BCL2L13: variants seen among roughly 807,000 people sequenced by gnomAD.
BCL2L13 encodes the protein bcl-2-like protein 13.
A neutral mutation model predicts 25.8 loss-of-function variants in BCL2L13; 13 were observed. That is an observed-to-expected ratio of 0.50 (90% CI 0.33 to 0.80). The LOEUF (loss-of-function observed/expected upper bound fraction) is 0.80. Among genes scored for constraint, BCL2L13 ranks in the 30% least tolerant of loss-of-function variants. The probability of loss-of-function intolerance (pLI) is 0.02; values close to 1 mark genes in which losing one functional copy is unlikely to be tolerated. For synonymous variants in BCL2L13, 244 were observed against 230.3 expected, an observed-to-expected ratio of 1.06 and a Z score of -0.54; for missense variants, 504 against 574.9, an observed-to-expected ratio of 0.88 and a Z score of 1.26.
chr22:17,634,921 C>T (rs1039168214), upstream of BCL2L13, among the ~76,000 whole-genome samples: 3 of 149,978 alleles, frequency 2.0e-5, no homozygotes, highest in African/African-American at 7.4e-5. Flanking sequence ...GTACTCTAGC[C>T]TGGGTAACAG....
chr22:17,687,566 GA>G (rs2059980425), intron 3 of BCL2L13, among the ~76,000 whole-genome samples: 1 of 151,952 alleles, frequency 6.6e-6, no homozygotes, highest in Non-Finnish European at 1.5e-5. Flanking sequence ...ACCCAGGCTG[GA>G]GTGCAGTGTC....
chr22:17,699,596 T>C (rs1222652803), intron 5 of BCL2L13, among the ~76,000 whole-genome samples: 1 of 152,118 alleles, frequency 6.6e-6, no homozygotes, highest in Non-Finnish European at 1.5e-5. Flanking sequence ...ATATATGATG[T>C]GGGGATTACT....
At chr22:17,631,966 C>T (rs919751712) in intron 1 of BCL2L13, among the ~76,000 whole-genome samples, 1 of 151,296 alleles carries the variant, frequency 6.6e-6, no homozygotes, top group Non-Finnish European at 1.5e-5. Flanking sequence ...GTGATCTGCC[C>T]GCCTTGGCAT....
chr22:17,662,735 C>T (rs2059114661), intron 2 of BCL2L13, among the ~76,000 whole-genome samples: 1 of 152,074 alleles, frequency 6.6e-6, no homozygotes, highest in South Asian at 2.1e-4. Flanking sequence ...GGAAGGATTA[C>T]TTGAGCCCAG....
At chr22:17,715,152 ATATATATATATATATATATTTTTTTTTT>A (rs1398548639) in intron 6 of BCL2L13, among the ~76,000 whole-genome samples, 15 of 5,860 alleles carry the variant, frequency 2.6e-3, no homozygotes, top group South Asian at 7.8e-3. Flanking sequence ...ATATATATAT[ATATATATATATATATATATTTTTTTTTT>A]TTTTTTTTTT....
intron 1 of BCL2L13, among the ~76,000 whole-genome samples, chr22:17,649,231 G>A (rs138459116): frequency 0.011 from 1,748 of 152,070 alleles, 8 homozygotes; most frequent in Non-Finnish European, 0.017. Context: ...CGGAGTGGCT[G>A]GTATTATAGG....
At chr22:17,700,922 G>GC (rs2060414220) in intron 5 of BCL2L13, among the ~76,000 whole-genome samples, 1 of 152,130 alleles carries the variant, frequency 6.6e-6, no homozygotes, top group Non-Finnish European at 1.5e-5. Context: ...TTGTCCTCCT[G>GC]CAGAAGTATT....
intron 2 of BCL2L13, among the ~76,000 whole-genome samples, chr22:17,663,845 C>T (rs1036898651): frequency 2.1e-5 from 3 of 145,878 alleles, no homozygotes; most frequent in African/African-American, 7.5e-5. Flanking sequence ...TGCCACCACG[C>T]CTGGCTAATT....
intron 6 of BCL2L13, among the ~76,000 whole-genome samples, chr22:17,724,327 A>C (rs1276686379): frequency 4.6e-5 from 7 of 152,218 alleles, no homozygotes; most frequent in Non-Finnish European, 1.0e-4. Context: ...TTTATTTGTG[A>C]AGAAATTGAA....
chr22:17,662,260 C>T (rs1190370828), intron 2 of BCL2L13, among the ~76,000 whole-genome samples: 11 of 152,208 alleles, frequency 7.2e-5, no homozygotes, highest in East Asian at 3.9e-4. Flanking sequence ...GGGCGGATCA[C>T]GAGGTCAGGA....
chr22:17,642,960 G>GTATA (rs1412985007), intron 1 of BCL2L13, among the ~76,000 whole-genome samples: 2 of 152,002 alleles, frequency 1.3e-5, no homozygotes, highest in Non-Finnish European at 2.9e-5. Flanking sequence ...TTTTTCTCTG[G>GTATA]TATATATCTG....
Position 17,710,704 on chromosome 22 carries a change from G to A in BCL2L13, c.600+8318G>A, listed in dbSNP as rs193085140. 4.3e-3 allele frequency among the ~76,000 whole-genome samples: 656 copies of A among 151,870 alleles called. 7 individuals are homozygous for A. Among genetic ancestry groups the A allele is most frequent in the African/African-American group, 0.015 (615 of 41,426 alleles). ...ATCCTGGCTAACACGGTGAAACCCC[G>A]TCTCTACTAAAAATACAAAAAAATT... On this transcript the variant is annotated intron_variant, in intron 6 of 6. Coordinates refer to ENST00000317582, the MANE Select transcript of BCL2L13 (RefSeq NM_015367.4).
intron 2 of BCL2L13, among the ~76,000 whole-genome samples, chr22:17,663,441 T>C (rs1464833482): frequency 6.6e-6 from 1 of 152,184 alleles, no homozygotes; most frequent in Non-Finnish European, 1.5e-5. Context: ...GACTAAAAGG[T>C]CATAAAACAT....
intron 3 of BCL2L13, among the ~76,000 whole-genome samples, chr22:17,688,054 G>A (rs780028216): frequency 4.6e-5 from 7 of 150,946 alleles, no homozygotes; most frequent in African/African-American, 7.3e-5. Context: ...CTGACCTCAG[G>A]TGATCTGCCC....
At chr22:17,692,675 G>A (rs1267053070) in intron 4 of BCL2L13, among the ~76,000 whole-genome samples, 1 of 152,170 alleles carries the variant, frequency 6.6e-6, no homozygotes, top group Non-Finnish European at 1.5e-5. Context: ...CAGCATCACT[G>A]TAGTATTGAT....
chr22:17,641,387 A>T (rs2058277201), intron 1 of BCL2L13, among the ~76,000 whole-genome samples: 3 of 150,918 alleles, frequency 2.0e-5, no homozygotes, highest in Non-Finnish European at 4.4e-5. Context: ...AGATTGGTTT[A>T]TTTTTTTTTC....
chr22:17,690,079 A>C (rs2145629237), intron 4 of BCL2L13, among the ~76,000 whole-genome samples: 1 of 152,234 alleles, frequency 6.6e-6, no homozygotes, highest in East Asian at 1.9e-4. Context: ...TAATCCCAGC[A>C]CTTTGGGAGG....
chr22:17,707,530 CAA>C (rs1431507552), intron 6 of BCL2L13, among the ~76,000 whole-genome samples: 2 of 152,112 alleles, frequency 1.3e-5, no homozygotes, highest in East Asian at 3.8e-4. Flanking sequence ...ATACTCCCAA[CAA>C]TACAAATATT....
intron 2 of BCL2L13, among the ~76,000 whole-genome samples, chr22:17,657,364 TCTCTACTTAA>T (rs1013156252): frequency 3.5e-5 from 4 of 115,574 alleles, no homozygotes; most frequent in African/African-American, 8.7e-5. Flanking sequence ...CTCCTCATCT[TCTCTACTTAA>T]CTCTACTTTG....
Sources: allele counts gnomAD v4.1 joint callset (sites outside exome capture counted in the v4.1 genomes callset), GRCh38; gene constraint gnomAD v4.1.1; transcripts MANE v1.5; gene names NCBI Gene and HGNC (gene_info 2026-07-23, HGNC 2026-07-21).